Variants in GRIN2A observed in about 807,000 individuals in gnomAD.
GRIN2A encodes the protein glutamate ionotropic receptor NMDA type subunit 2A, also known as glutamate receptor ionotropic, NMDA 2A.
Under a neutral mutation model 113.4 loss-of-function variants are expected in GRIN2A, and 22 were observed. That is an observed-to-expected ratio of 0.19 (90% CI 0.14 to 0.28). The LOEUF (loss-of-function observed/expected upper bound fraction) is 0.28, where lower values mean the gene tolerates loss of function less well. Among genes scored for constraint, GRIN2A ranks in the 10% least tolerant of loss-of-function variants. The pLI, the probability that GRIN2A is intolerant of heterozygous loss-of-function variation, is 1.00. For missense variants in GRIN2A, 1,502 were observed against 1,887.0 expected (o/e 0.80, Z 3.78); for synonymous variants, 827 against 738.4 (o/e 1.12, Z -1.94).
At chr16:10,023,198 C>T (rs1315058398) in intron 2 of GRIN2A, among the ~76,000 whole-genome samples, 1 of 152,174 alleles carries the variant, frequency 6.6e-6, no homozygotes, top group Non-Finnish European at 1.5e-5. Context: ...AAAAAGAGGG[C>T]CACAGCTGCC....
At chr16:10,062,780 G>T (rs2047570587) in intron 2 of GRIN2A, among the ~76,000 whole-genome samples, 1 of 151,998 alleles carries the variant, frequency 6.6e-6, no homozygotes, top group Non-Finnish European at 1.5e-5. Flanking sequence ...TAGAAGAATT[G>T]CTTGAACCTG....
intron 2 of GRIN2A, among the ~76,000 whole-genome samples, chr16:10,058,179 C>G: frequency 6.6e-6 from 1 of 151,620 alleles, no homozygotes. Context: ...TGCTTGAACC[C>G]GGGAGGCAGA....
At chr16:9,779,576 G>T (rs75225636) in intron 11 of GRIN2A, among the ~76,000 whole-genome samples, 1 of 152,224 alleles carries the variant, frequency 6.6e-6, no homozygotes, top group African/African-American at 2.4e-5. Context: ...AATGGAGAAG[G>T]ACAGAAAGTG....
chr16:10,094,622 G>A lies in GRIN2A; in HGVS notation c.414+85376C>T, dbSNP rs568198120. 2.0e-5 allele frequency among the ~76,000 whole-genome samples: 3 copies of A among 152,062 alleles called. No homozygotes were observed. In the East Asian group the frequency reaches 5.8e-4, roughly 30 times the overall value. ...CCACCACAATGCCTGGCTGATTTTT[G>A]TATTTTTAGTAGAGACAGGGTTTCA... On this transcript the variant is annotated intron_variant, in intron 2 of 12. Transcript: ENST00000330684.
chr16:9,817,904 G>A (rs1310140687), intron 10 of GRIN2A, among the ~76,000 whole-genome samples: 2 of 152,160 alleles, frequency 1.3e-5, no homozygotes, highest in Non-Finnish European at 2.9e-5. Context: ...GGATTCTAGG[G>A]TGTTGGGGGA....
chr16:9,842,980 A>AGG (rs2042707762), intron 5 of GRIN2A, among the ~76,000 whole-genome samples: 1 of 137,036 alleles, frequency 7.3e-6, no homozygotes, highest in African/African-American at 2.9e-5. Flanking sequence ...AGGAAGAAAG[A>AGG]AAGAAAGAAA....
chr16:9,960,916 G>A (rs34998449), intron 2 of GRIN2A, among the ~76,000 whole-genome samples: 47,885 of 152,058 alleles, frequency 0.31, 7,689 homozygotes, highest in Middle Eastern at 0.33. Context: ...ATGAGCCACC[G>A]CACCCAGCTG....
chr16:10,009,632 C>G (rs192319099), intron 2 of GRIN2A, among the ~76,000 whole-genome samples: 3 of 152,236 alleles, frequency 2.0e-5, no homozygotes, highest in African/African-American at 4.8e-5. Context: ...GCACCCACCC[C>G]ACATGTTCCT....
rs562409523 is a variant in GRIN2A at position 10,114,078 on chromosome 16, G to A, written c.414+65920C>T. On this transcript the variant is annotated intron_variant, in intron 2 of 12. Coordinates refer to ENST00000330684, the MANE Select transcript of GRIN2A (RefSeq NM_001134407.3). The stretch of plus-strand genomic sequence containing the variant: ...ATGGTGGTGTGTGCCTGTAGTGCCA[G>A]CTACTCTGGAGGCTGAGGCAAGAAA... Among the ~76,000 whole-genome samples the A allele has an allele frequency of 3.4e-4, 51 of 152,184 alleles. 1 individual carries two copies. The South Asian group carries it at 0.01, about 30-fold the overall frequency.
chr16:9,813,020 C>G (rs1464054069), intron 10 of GRIN2A, among the ~76,000 whole-genome samples: 1 of 152,222 alleles, frequency 6.6e-6, no homozygotes, highest in African/African-American at 2.4e-5. Context: ...CAAAGCAATG[C>G]TCTTCATCGT....
intron 2 of GRIN2A, among the ~76,000 whole-genome samples, chr16:9,948,536 C>A (rs1267022677): frequency 6.6e-6 from 1 of 152,192 alleles, no homozygotes; most frequent in African/African-American, 2.4e-5. Context: ...CTCTGTCCAT[C>A]CCAGGGAGGA....
rs375008547 is a variant in GRIN2A, at chr16:9,766,686, C to T, written c.2596-1738G>A. On this transcript the variant is annotated intron_variant, in intron 12 of 12. Coordinates refer to ENST00000330684, the MANE Select transcript of GRIN2A (RefSeq NM_001134407.3). The stretch of plus-strand genomic sequence containing the variant: ...TGGAAATCTTACAAATGAGCCACTG[C>T]GCTCCAGCCTGGGCAACAGAGGGAG... Among the ~76,000 whole-genome samples the T allele has an allele frequency of 6.6e-5, 10 of 152,246 alleles. No individual in the cohort carries two copies. In the East Asian group the frequency reaches 7.7e-4, roughly 12 times the overall value.
At chr16:9,881,312 T>A (rs760132818) in intron 4 of GRIN2A, among the ~76,000 whole-genome samples, 1 of 152,238 alleles carries the variant, frequency 6.6e-6, no homozygotes, top group East Asian at 1.9e-4. Flanking sequence ...GAGCAGTATA[T>A]TCCAAAGGAA....
At chr16:10,108,824 C>T (rs148654082) in intron 2 of GRIN2A, among the ~76,000 whole-genome samples, 176 of 152,086 alleles carry the variant, frequency 1.2e-3, no homozygotes, top group Non-Finnish European at 2.3e-3. Context: ...GCAAAAAAAG[C>T]ACATAACACA....
chr16:10,088,057 T>C (rs2048115926), intron 2 of GRIN2A, among the ~76,000 whole-genome samples: 1 of 152,068 alleles, frequency 6.6e-6, no homozygotes, highest in African/African-American at 2.4e-5. Flanking sequence ...CATCATGGGT[T>C]CTCACCCTTT....
At chr16:9,847,447 C>T (rs563958557) in intron 5 of GRIN2A, among the ~76,000 whole-genome samples, 84 of 151,954 alleles carry the variant, frequency 5.5e-4, no homozygotes, top group African/African-American at 1.9e-3. Context: ...GGCCTGTAGT[C>T]TCAGCTATTC....
At chr16:9,917,610 A>G (rs2044277008) in intron 3 of GRIN2A, among the ~76,000 whole-genome samples, 2 of 152,230 alleles carry the variant, frequency 1.3e-5, no homozygotes, top group African/African-American at 4.8e-5. Flanking sequence ...TTTTTGAAAT[A>G]AAGATCTTAT....
At chr16:10,029,187 GCA>G (rs1012538204) in intron 2 of GRIN2A, among the ~76,000 whole-genome samples, 2 of 151,690 alleles carry the variant, frequency 1.3e-5, no homozygotes, top group African/African-American at 4.8e-5. Context: ...CACCCCAATT[GCA>G]CACACTTTTT....
rs1567266414 is a variant in GRIN2A, at chr16:10,055,082, AAAAGAAAAAAG to A, written c.415-116542_415-116532del. Among the ~76,000 whole-genome samples the A allele has an allele frequency of 3.7e-3, 291 of 79,050 alleles. 30 individuals carry two copies. The highest frequency in any genetic ancestry group is 0.017 in the East Asian group (22 of 1,272). 51.9% of individuals were successfully genotyped at this position (79,050 alleles called of 152,430 possible). ...AAAAAAAAAAAAAAAAAAAAAAAAA[AAAAGAAAAAAG>A]AAAGAAAGAAAGAAAAAAGAAAAAA... is the stretch of plus-strand genomic sequence containing the variant. On this transcript the variant is annotated intron_variant, in intron 2 of 12. Coordinates refer to ENST00000330684, the MANE Select transcript of GRIN2A (RefSeq NM_001134407.3).
Sources: gnomAD v4.1 joint callset for allele counts (sites outside exome capture counted in the v4.1 genomes callset) on GRCh38, gnomAD v4.1.1 for gene constraint, MANE v1.5 for transcripts, NCBI Gene and HGNC (gene_info 2026-07-23, HGNC 2026-07-21) for gene names.